Variants in SLC3A1 observed in about 807,000 individuals in gnomAD.
SLC3A1 encodes the protein amino acid transporter heavy chain SLC3A1.
In SLC3A1, 78 loss-of-function variants were observed where a neutral mutation model predicts 60.3. That is an observed-to-expected ratio of 1.29 (90% CI 1.08 to 1.56). The LOEUF is 1.56. SLC3A1 is among the 40% of genes most tolerant of loss of function. SLC3A1 has a pLI of 0.00. For missense variants in SLC3A1, 1,172 were observed against 858.9 expected, an observed-to-expected ratio of 1.36 and a Z score of -4.56; for synonymous variants, 392 against 307.9, an observed-to-expected ratio of 1.27 and a Z score of -2.86.
At chr2:44,313,729 A>G in intron 8 of SLC3A1, 106 bp from the exon 9 acceptor site, 1 of 955,484 alleles carries the variant, frequency 1.0e-6, no homozygotes, top group Non-Finnish European at 1.7e-6. Flanking sequence ...TACAAACACT[A>G]GCTAAGAACT....
intron 4 of SLC3A1, among the ~76,000 whole-genome samples, chr2:44,288,743 G>T (rs981654243): frequency 1.4e-4 from 22 of 152,332 alleles, no homozygotes; most frequent in Admixed American, 1.4e-3. Context: ...GGCTAAAGAC[G>T]TTGAACATCT....
chr2:44,299,053 TA>T (rs903101499), intron 4 of SLC3A1, among the ~76,000 whole-genome samples: 152 of 94,718 alleles, frequency 1.6e-3, no homozygotes, highest in African/African-American at 4.5e-3. Flanking sequence ...TTTTTTTTTT[TA>T]AAAGACAGAG....
At chr2:44,298,079 C>T (rs950902743) in intron 4 of SLC3A1, among the ~76,000 whole-genome samples, 5 of 152,158 alleles carry the variant, frequency 3.3e-5, no homozygotes, top group Non-Finnish European at 5.9e-5. Flanking sequence ...TTTCATTTCT[C>T]TCGGGTATAT....
downstream of SLC3A1, chr2:44,321,915 A>G (rs747871303): frequency 1.2e-6 from 2 of 1,608,020 alleles, no homozygotes; most frequent in African/African-American, 1.3e-5. Flanking sequence ...AAGAGTTAAC[A>G]TGTAGAACAA....
chr2:44,305,340 C>A (rs930478652), intron 7 of SLC3A1, among the ~76,000 whole-genome samples: 1 of 152,032 alleles, frequency 6.6e-6, no homozygotes. Context: ...GATGTAAGCC[C>A]TGCTGCTTCA....
chr2:44,296,781 A>T (rs905105112), intron 4 of SLC3A1, among the ~76,000 whole-genome samples: 2 of 152,196 alleles, frequency 1.3e-5, no homozygotes, highest in African/African-American at 2.4e-5. Context: ...TGTAATTCTC[A>T]TAATCCCCAT....
At chr2:44,299,861 A>C in intron 4 of SLC3A1, 110 bp from the exon 5 acceptor site, 1 of 1,076,782 alleles carries the variant, frequency 9.3e-7, no homozygotes, top group Non-Finnish European at 1.4e-6. Flanking sequence ...CTTGTTCTGT[A>C]TGTAGATATC....
chr2:44,287,281 C>A (rs1671640136), intron 4 of SLC3A1, among the ~76,000 whole-genome samples: 1 of 152,002 alleles, frequency 6.6e-6, no homozygotes, highest in Non-Finnish European at 1.5e-5. Flanking sequence ...GTGTAGGAGA[C>A]ACCTTCTTAT....
Position 44,280,735 on chromosome 2 carries a change from C to T in SLC3A1, c.450C>T (p.Asp150=), listed in dbSNP as rs1044859231. The change falls in exon 2 of 10, where the codon GAC becomes GAT. Residue 150 remains aspartate, a synonymous_variant. Transcript: ENST00000260649. ...CTTCAGGTATTCAAGATAAACTGGA[C>T]TACATCACAGCTTTAAATATAAAAA... ...GDLKGIQDKL[D]YITALNIKTV... 1.9e-6 allele frequency: 3 copies of T among 1,609,328 alleles called. No homozygotes were observed. In the African/African-American group the frequency reaches 4.0e-5, roughly 22 times the overall value.
intron 7 of SLC3A1, among the ~76,000 whole-genome samples, chr2:44,312,124 G>A (rs986534510): frequency 6.6e-6 from 1 of 152,066 alleles, no homozygotes; most frequent in African/African-American, 2.4e-5. Flanking sequence ...TTTCATCTTG[G>A]AGTATGTAAA....
chr2:44,304,089 C>T (rs1472198238), intron 6 of SLC3A1, 54 bp from the exon 7 acceptor site: 2 of 1,422,570 alleles, frequency 1.4e-6, no homozygotes. Flanking sequence ...TGTGGAGTGC[C>T]TTCCCAGTCT....
At chr2:44,321,577 G>A (rs1198566931), downstream of SLC3A1, 11 of 1,494,762 alleles carry the variant, frequency 7.4e-6, no homozygotes, top group Non-Finnish European at 9.8e-6. Flanking sequence ...ACTTTCATTC[G>A]AGAGAGAGGC....
At chr2:44,310,379 T>C in intron 7 of SLC3A1, among the ~76,000 whole-genome samples, 1 of 152,242 alleles carries the variant, frequency 6.6e-6, no homozygotes, top group East Asian at 1.9e-4. Context: ...TATCTCATTT[T>C]TTCATTATTG....
intron 4 of SLC3A1, among the ~76,000 whole-genome samples, chr2:44,293,172 T>A (rs1171011050): frequency 6.6e-6 from 1 of 152,056 alleles, no homozygotes; most frequent in Non-Finnish European, 1.5e-5. Flanking sequence ...ATCTTAGGTA[T>A]GTAGAGTTGG....
At chr2:44,286,204 G>A (rs771378114) in intron 4 of SLC3A1, 47 bp downstream of exon 4, 12 of 1,590,394 alleles carry the variant, frequency 7.5e-6, no homozygotes, top group South Asian at 3.3e-5. Context: ...GGAGGTTTAG[G>A]TATTTATTTA....
At chr2:44,296,543 T>A (rs768631101) in intron 4 of SLC3A1, among the ~76,000 whole-genome samples, 30 of 152,028 alleles carry the variant, frequency 2.0e-4, no homozygotes, top group Non-Finnish European at 5.9e-5. Context: ...ATGATAAGAG[T>A]TATTCACCCC....
At chr2:44,299,344 CATCTTTT>C (rs1389592734) in intron 4 of SLC3A1, among the ~76,000 whole-genome samples, 2 of 152,154 alleles carry the variant, frequency 1.3e-5, no homozygotes, top group East Asian at 3.9e-4. Context: ...CAGCCCATTT[CATCTTTT>C]ATTATCTGAG....
chr2:44,300,932 A>C, intron 5 of SLC3A1, 71 bp from the exon 6 acceptor site: 11 of 1,599,096 alleles, frequency 6.9e-6, no homozygotes, highest in Admixed American at 1.7e-5. Flanking sequence ...GGTTGTCTAC[A>C]TTCATATAGA....
At chr2:44,315,871 C>G (rs1195082190) in intron 9 of SLC3A1, among the ~76,000 whole-genome samples, 3 of 151,892 alleles carry the variant, frequency 2.0e-5, no homozygotes, top group African/African-American at 7.3e-5. Context: ...ACAAGTGCAT[C>G]AAAGAAAGAA....
Sources: allele counts gnomAD v4.1 joint callset (sites outside exome capture counted in the v4.1 genomes callset), GRCh38; gene constraint gnomAD v4.1.1; transcripts MANE v1.5; gene names NCBI Gene and HGNC (gene_info 2026-07-23, HGNC 2026-07-21).